Variants in DGKI observed in about 807,000 individuals in gnomAD.
DGKI encodes DAG kinase iota.
Under a neutral mutation model 147.5 loss-of-function variants are expected in DGKI, and 55 were observed. The observed-to-expected ratio is 0.37, with a 90% confidence interval of 0.30 to 0.47. DGKI has a LOEUF of 0.47. Among genes scored for constraint, DGKI ranks in the 20% least tolerant of loss-of-function variants. The pLI is 1.00. For synonymous variants in DGKI, 469 were observed against 477.1 expected (o/e 0.98, Z 0.22); for missense variants, 1,007 against 1,323.8 (o/e 0.76, Z 3.71).
intron 3 of DGKI, among the ~76,000 whole-genome samples, chr7:137,674,237 A>G (rs1247035099): frequency 6.6e-6 from 1 of 152,228 alleles, no homozygotes; most frequent in African/African-American, 2.4e-5. Flanking sequence ...TTGCCACCAG[A>G]GAGCTGTAGA....
At chr7:137,767,461 A>AGAAGAGAAGG (rs1421562154) in intron 1 of DGKI, among the ~76,000 whole-genome samples, 6 of 140,038 alleles carry the variant, frequency 4.3e-5, no homozygotes, top group Admixed American at 3.7e-4. Flanking sequence ...GTTCCAAAAG[A>AGAAGAGAAGG]GAAGAGAAGG....
chr7:137,815,290 G>A (rs1397069606), intron 1 of DGKI, among the ~76,000 whole-genome samples: 1 of 152,116 alleles, frequency 6.6e-6, no homozygotes, highest in Non-Finnish European at 1.5e-5. Context: ...AAGCCAACAT[G>A]GCTGGTCATT....
rs1322355212 is a variant in DGKI at position 137,383,496 on chromosome 7, A to G, written c.*7724T>C. On this transcript the variant is annotated 3_prime_UTR_variant, in exon 33 of 33. Coordinates refer to ENST00000614521, the MANE Select transcript of DGKI (RefSeq NM_001321708.2). ...ATAGGCTCAAATTGAGTTCTGTTCCAGTCTAAAATTATAGACATTTAAACC... is the reference window on the plus strand; with the variant it reads ...ATAGGCTCAAATTGAGTTCTGTTCCGGTCTAAAATTATAGACATTTAAACC... 1 of 151,812 alleles carries G rather than the reference A, an allele frequency of 6.6e-6. No homozygotes were observed. Among genetic ancestry groups the G allele is most frequent in the Non-Finnish European group, 1.5e-5 (1 of 67,876 alleles). The allele number at this position is 151,812 out of a possible 1,614,324, so 9.4% of individuals were successfully genotyped here.
chr7:137,680,977 G>A (rs1393193860), intron 2 of DGKI, among the ~76,000 whole-genome samples: 1 of 152,180 alleles, frequency 6.6e-6, no homozygotes, highest in Non-Finnish European at 1.5e-5. Flanking sequence ...TGATGTAGGT[G>A]CTTCAGGATC....
intron 21 of DGKI, among the ~76,000 whole-genome samples, chr7:137,501,121 T>C (rs1401826384): frequency 6.6e-6 from 1 of 152,160 alleles, no homozygotes; most frequent in Non-Finnish European, 1.5e-5. Context: ...TATGCCCTAT[T>C]TGTCTTTCTG....
chr7:137,827,396 C>G (rs1798088784), intron 1 of DGKI, among the ~76,000 whole-genome samples: 1 of 152,178 alleles, frequency 6.6e-6, no homozygotes, highest in African/African-American at 2.4e-5. Context: ...ATGCTCAACC[C>G]AAACTACTTC....
At chr7:137,638,556 A>ATATACACACATATATG (rs1563125629) in intron 6 of DGKI, among the ~76,000 whole-genome samples, 223 of 106,540 alleles carry the variant, frequency 2.1e-3, no homozygotes, top group Non-Finnish European at 3.5e-3. Context: ...ATATGTGTGT[A>ATATACACACATATATG]TATATATACA....
intron 5 of DGKI, 127 bp downstream of exon 5, chr7:137,654,605 A>C (rs1822152825): frequency 1.4e-6 from 1 of 717,404 alleles, no homozygotes; most frequent in Non-Finnish European, 2.4e-6. Flanking sequence ...TTGATGTGTT[A>C]ACAAAAAATT....
At chr7:137,538,265 T>A (rs1470782957) in intron 20 of DGKI, among the ~76,000 whole-genome samples, 2 of 152,170 alleles carry the variant, frequency 1.3e-5, no homozygotes, top group Non-Finnish European at 2.9e-5. Context: ...AACAGAACCA[T>A]AAAAAATTTT....
intron 23 of DGKI, among the ~76,000 whole-genome samples, chr7:137,470,522 C>T (rs1253328235): frequency 1.3e-5 from 2 of 152,078 alleles, no homozygotes; most frequent in East Asian, 3.9e-4. Context: ...ATAAATTACC[C>T]TCAGCTGATC....
At chr7:137,425,453 A>G (rs2128908358) in intron 28 of DGKI, among the ~76,000 whole-genome samples, 1 of 152,312 alleles carries the variant, frequency 6.6e-6, no homozygotes, top group Non-Finnish European at 1.5e-5. Flanking sequence ...TGGGGAAAAA[A>G]CAGAGCAGAA....
Position 137,499,393 on chromosome 7 carries a change from AACAC to A in DGKI, c.2249-11708_2249-11705del, listed in dbSNP as rs530774425. Among the ~76,000 whole-genome samples, 16 of 152,218 alleles carry A rather than the reference AACAC, an allele frequency of 1.1e-4. No homozygotes were observed. The East Asian group carries it at 2.9e-3, about 28-fold the overall frequency. ...TAAGGGACACTCAGATAGCTGGTAA[AACAC>A]AATTTCTGGCTGTGTCTGTGAGAGT... is the stretch of plus-strand genomic sequence containing the variant. On this transcript the variant is annotated intron_variant, in intron 21 of 32. Transcript: ENST00000614521.
At chr7:137,613,458 A>T (rs1484621533) in intron 8 of DGKI, among the ~76,000 whole-genome samples, 3 of 152,150 alleles carry the variant, frequency 2.0e-5, no homozygotes, top group Non-Finnish European at 2.9e-5. Context: ...GTACTAATGA[A>T]GCTTTAGAAT....
intron 3 of DGKI, among the ~76,000 whole-genome samples, chr7:137,668,338 A>G (rs1822715789): frequency 1.3e-5 from 2 of 152,246 alleles, no homozygotes; most frequent in African/African-American, 4.8e-5. Flanking sequence ...TAAACAGGGC[A>G]TAAAACCTTA....
At chr7:137,691,808 T>TTTTTTTTTTTTTG (rs1823619283) in intron 1 of DGKI, among the ~76,000 whole-genome samples, 1 of 133,228 alleles carries the variant, frequency 7.5e-6, no homozygotes, top group Non-Finnish European at 1.5e-5. Flanking sequence ...GTTTTTTTTT[T>TTTTTTTTTTTTTG]TTTTTTTTTT....
intron 1 of DGKI, among the ~76,000 whole-genome samples, chr7:137,757,932 T>G (rs764802148): frequency 8.5e-5 from 13 of 152,224 alleles, no homozygotes; most frequent in Admixed American, 6.5e-5. Flanking sequence ...TTTCCAACTT[T>G]GAGAGAGCTT....
chr7:137,458,410 G>C (rs1292708825), intron 27 of DGKI, among the ~76,000 whole-genome samples: 2 of 152,148 alleles, frequency 1.3e-5, no homozygotes, highest in Non-Finnish European at 2.9e-5. Context: ...GATATTATTT[G>C]TGTGACAGTC....
chr7:137,529,330 T>C (rs1022632357), intron 20 of DGKI, among the ~76,000 whole-genome samples: 4 of 151,956 alleles, frequency 2.6e-5, no homozygotes, highest in Admixed American at 6.6e-5. Context: ...CTTACAAAAC[T>C]TTTTAAAATA....
At chr7:137,577,176 G>T in intron 17 of DGKI, 46 bp downstream of exon 17, 1 of 1,377,632 alleles carries the variant, frequency 7.3e-7, no homozygotes, top group Non-Finnish European at 1.0e-6. Context: ...TTTTGTGGCA[G>T]TCATATCATA....
Sources: allele counts gnomAD v4.1 joint callset (sites outside exome capture counted in the v4.1 genomes callset), GRCh38; gene constraint gnomAD v4.1.1; transcripts MANE v1.5; gene names NCBI Gene and HGNC (gene_info 2026-07-23, HGNC 2026-07-21).